The following XKR4 variants were observed in gnomAD, a reference collection of about 807,000 sequenced individuals.
XKR4 encodes XK-related protein 4.
In XKR4, 12 loss-of-function variants were observed where a neutral mutation model predicts 53.9. The observed-to-expected ratio is 0.22, with a 90% CI of 0.14 to 0.36. The LOEUF is 0.36. XKR4 is among the 10% of genes least tolerant of loss of function. The pLI is 1.00. For missense variants in XKR4, 799 were observed against 859.5 expected (o/e 0.93, Z 0.88); for synonymous variants, 354 against 362.4 (o/e 0.98, Z 0.26).
At chr8:55,230,084 T>G (rs1227627452) in intron 1 of XKR4, among the ~76,000 whole-genome samples, 2 of 152,162 alleles carry the variant, frequency 1.3e-5, no homozygotes, top group Non-Finnish European at 1.5e-5. Context: ...CTCCATTTTC[T>G]TCCCACTGAA....
Position 55,505,738 on chromosome 8 carries a change from G to T in XKR4, c.1007-17543G>T, listed in dbSNP as rs1028955081. ...GACCTGTTTTGTGGCCTAATGTATG[G>T]TCTATCCTGGAGAATGTTGCATGTG... On this transcript the variant is annotated intron_variant, in intron 2 of 2. Transcript: ENST00000327381. Among the ~76,000 whole-genome samples, 3 of 152,218 alleles carry T rather than the reference G, an allele frequency of 2.0e-5. No individual in the cohort carries two copies. The South Asian group carries it at 6.2e-4, about 32-fold the overall frequency.
rs7013594 is a variant in XKR4, at chr8:55,407,750, A to G, written c.1006+49873A>G. On this transcript the variant is annotated intron_variant, in intron 2 of 2. Transcript: ENST00000327381. ...GTTCCTAAGAAGGTCAAGCATTTCAAAGGCTGCTTTCTTCTTGTTAAATAT... is the reference window on the plus strand; with the variant it reads ...GTTCCTAAGAAGGTCAAGCATTTCAGAGGCTGCTTTCTTCTTGTTAAATAT... Among the ~76,000 whole-genome samples, 1,474 of 152,378 alleles carry G rather than the reference A, an allele frequency of 9.7e-3. 26 individuals carry two copies. Among genetic ancestry groups the G allele is most frequent in the African/African-American group, 0.033 (1,366 of 41,590 alleles).
chr8:55,141,543 G>C (rs1816701422), intron 1 of XKR4, among the ~76,000 whole-genome samples: 1 of 152,050 alleles, frequency 6.6e-6, no homozygotes, highest in South Asian at 2.1e-4. Context: ...GGAAGGCCAG[G>C]GGAACCCCAG....
chr8:55,483,292 T>C (rs1806141007), intron 2 of XKR4, among the ~76,000 whole-genome samples: 1 of 152,182 alleles, frequency 6.6e-6, no homozygotes, highest in Non-Finnish European at 1.5e-5. Context: ...TTCCTTATAG[T>C]ATAGCCCTAA....
At chr8:55,517,087 G>A (rs1477191096) in intron 2 of XKR4, among the ~76,000 whole-genome samples, 1 of 152,044 alleles carries the variant, frequency 6.6e-6, no homozygotes, top group African/African-American at 2.4e-5. Context: ...GGTACATGTG[G>A]ACATATGGAG....
intron 1 of XKR4, among the ~76,000 whole-genome samples, chr8:55,249,393 G>A (rs1818335328): frequency 6.6e-6 from 1 of 152,100 alleles, no homozygotes; most frequent in Admixed American, 6.5e-5. Flanking sequence ...CAAGTTACAA[G>A]GTCAATATAG....
At chr8:55,306,489 T>G (rs1819301824) in intron 1 of XKR4, among the ~76,000 whole-genome samples, 1 of 152,202 alleles carries the variant, frequency 6.6e-6, no homozygotes, top group African/African-American at 2.4e-5. Context: ...TACAGTTCCA[T>G]GTGGCTGGGG....
chr8:55,207,905 T>C (rs1817674210), intron 1 of XKR4, among the ~76,000 whole-genome samples: 1 of 152,196 alleles, frequency 6.6e-6, no homozygotes, highest in South Asian at 2.1e-4. Flanking sequence ...CAACTCCCCT[T>C]GTTACAACTG....
intron 1 of XKR4, among the ~76,000 whole-genome samples, chr8:55,104,513 G>C (rs1370573610): frequency 1.3e-5 from 2 of 152,176 alleles, no homozygotes; most frequent in Non-Finnish European, 1.5e-5. Context: ...AAACAAGTTA[G>C]AGGATTTGTG....
intron 1 of XKR4, among the ~76,000 whole-genome samples, chr8:55,191,574 T>A (rs1817444189): frequency 6.6e-6 from 1 of 152,124 alleles, no homozygotes; most frequent in African/African-American, 2.4e-5. Context: ...ATGTAAATAG[T>A]CATTAAGTCG....
intron 1 of XKR4, among the ~76,000 whole-genome samples, chr8:55,180,749 C>A (rs975591012): frequency 3.3e-5 from 5 of 151,964 alleles, no homozygotes; most frequent in South Asian, 2.1e-4. Context: ...GCCAGGCTGG[C>A]CTTGAACTCC....
chr8:55,476,773 C>A (rs1210180436), intron 2 of XKR4, among the ~76,000 whole-genome samples: 2 of 152,094 alleles, frequency 1.3e-5, no homozygotes, highest in Admixed American at 6.5e-5. Flanking sequence ...GGGTCCTATG[C>A]CCATGGAGTC....
At position 55,529,887 on chromosome 8, in the gene XKR4, C is replaced by T. The variant is rs78726851; in HGVS notation, c.*5660C>T. On this transcript the variant is annotated 3_prime_UTR_variant, in exon 3 of 3. Transcript: ENST00000327381. ...CACCTGTAACTAAATTTTACCTTAA[C>T]TCTAACTCATAGTAGGCAGATAAAT... 6.6e-6 allele frequency: 1 copy of T among 152,110 alleles called. No homozygotes were observed. The highest frequency in any genetic ancestry group is 1.5e-5 in the Non-Finnish European group (1 of 68,022). 9.4% of individuals were successfully genotyped at this position (152,110 alleles called of 1,614,324 possible). A position where few individuals can be genotyped will look rare whatever the true frequency, so the allele number is the denominator to read the frequency against.
At chr8:55,477,315 G>C (rs988950856) in intron 2 of XKR4, among the ~76,000 whole-genome samples, 1 of 152,122 alleles carries the variant, frequency 6.6e-6, no homozygotes, top group South Asian at 2.1e-4. Context: ...TGGACCTCTA[G>C]CAAACTCCAA....
chr8:55,132,489 C>A (rs1816570518), intron 1 of XKR4, among the ~76,000 whole-genome samples: 1 of 152,088 alleles, frequency 6.6e-6, no homozygotes, highest in African/African-American at 2.4e-5. Context: ...ACATTTATAA[C>A]AATATACTGT....
chr8:55,397,266 G>A (rs1385860839), intron 2 of XKR4, among the ~76,000 whole-genome samples: 1 of 152,160 alleles, frequency 6.6e-6, no homozygotes, highest in African/African-American at 2.4e-5. Context: ...AATAATATGA[G>A]TAGTATTTAA....
chr8:55,164,300 G>A, intron 1 of XKR4: 2 of 455,670 alleles, frequency 4.4e-6, no homozygotes, highest in Non-Finnish European at 8.8e-6. Context: ...CTAGTGGGCA[G>A]GATGCTGTCA....
intron 2 of XKR4, among the ~76,000 whole-genome samples, chr8:55,368,149 C>T (rs1282540258): frequency 4.6e-5 from 7 of 151,952 alleles, no homozygotes; most frequent in South Asian, 2.1e-4. Flanking sequence ...TTAGTAAAGA[C>T]GGTGTTTCAC....
At chr8:55,382,644 A>C (rs1206729072) in intron 2 of XKR4, among the ~76,000 whole-genome samples, 1 of 152,176 alleles carries the variant, frequency 6.6e-6, no homozygotes, top group African/African-American at 2.4e-5. Context: ...AAGGGGGGGA[A>C]ATTCGTCTGT....
Sources: gnomAD v4.1 joint callset for allele counts (sites outside exome capture counted in the v4.1 genomes callset) on GRCh38, gnomAD v4.1.1 for gene constraint, MANE v1.5 for transcripts, NCBI Gene and HGNC (gene_info 2026-07-23, HGNC 2026-07-21) for gene names.